Variants in ME3 observed in about 807,000 individuals in gnomAD.
ME3 encodes the protein NADP-dependent malic enzyme, mitochondrial.
A neutral mutation model predicts 68.9 loss-of-function variants in ME3; 48 were observed. The ratio of observed to expected loss-of-function variants is 0.70; its 90% CI spans 0.55 to 0.89. The LOEUF (loss-of-function observed/expected upper bound fraction) is 0.89, where lower values mean the gene tolerates loss of function less well. Among genes scored for constraint, ME3 ranks in the 40% least tolerant of loss-of-function variants. The probability of loss-of-function intolerance (pLI) is 0.00; values close to 1 mark genes in which losing one functional copy is unlikely to be tolerated. For synonymous variants in ME3, 320 were observed against 318.8 expected (o/e 1.00, Z -0.04); for missense variants, 675 against 797.4 (o/e 0.85, Z 1.85).
At chr11:86,578,625 G>C (rs1026665164) in intron 2 of ME3, among the ~76,000 whole-genome samples, 1 of 152,098 alleles carries the variant, frequency 6.6e-6, no homozygotes, top group African/African-American at 2.4e-5. Context: ...TCTCAACTCT[G>C]CCACCTTATC....
chr11:86,509,427 C>G (rs1221513384), intron 4 of ME3, among the ~76,000 whole-genome samples: 1 of 94,450 alleles, frequency 1.1e-5, no homozygotes, highest in South Asian at 3.3e-4. Flanking sequence ...CACACACACA[C>G]ACGCATGTGC....
At chr11:86,601,257 A>T (rs1318881494) in intron 2 of ME3, among the ~76,000 whole-genome samples, 1 of 152,212 alleles carries the variant, frequency 6.6e-6, no homozygotes, top group African/African-American at 2.4e-5. Flanking sequence ...GCAATAAAAA[A>T]TGATAAAGGG....
intron 4 of ME3, among the ~76,000 whole-genome samples, chr11:86,531,590 G>T (rs1302048691): frequency 6.6e-6 from 1 of 152,182 alleles, no homozygotes; most frequent in South Asian, 2.1e-4. Context: ...CAAAGACTTG[G>T]AACCAACCCA....
intron 2 of ME3, among the ~76,000 whole-genome samples, chr11:86,644,135 G>A (rs1263151670): frequency 6.6e-6 from 1 of 152,138 alleles, no homozygotes; most frequent in Non-Finnish European, 1.5e-5. Context: ...CTGGGTTCTG[G>A]TGAATCCCAA....
intron 2 of ME3, among the ~76,000 whole-genome samples, chr11:86,560,732 G>GTATATATATA (rs1957172506): frequency 1.7e-5 from 1 of 60,564 alleles, no homozygotes; most frequent in African/African-American, 5.1e-5. Context: ...GTGTATGTGT[G>GTATATATATA]TGTGTGTGTG....
chr11:86,667,328 G>A (rs1018387330), intron 2 of ME3, among the ~76,000 whole-genome samples: 5 of 152,294 alleles, frequency 3.3e-5, no homozygotes, highest in Middle Eastern at 6.8e-3. Context: ...CGGATCAAAG[G>A]GGGAAGATTG....
chr11:86,557,669 A>G (rs1957000695), intron 3 of ME3, among the ~76,000 whole-genome samples: 1 of 152,158 alleles, frequency 6.6e-6, no homozygotes, highest in Admixed American at 6.5e-5. Flanking sequence ...GTGGAAAACT[A>G]AAAACTGTGC....
intron 2 of ME3, among the ~76,000 whole-genome samples, chr11:86,665,527 A>C (rs1292103361): frequency 6.6e-6 from 1 of 152,206 alleles, no homozygotes; most frequent in African/African-American, 2.4e-5. Flanking sequence ...AAGAGTAGCA[A>C]GAGATGAAGT....
At chr11:86,560,744 GTGTGTATA>G (rs1185067560) in intron 2 of ME3, among the ~76,000 whole-genome samples, 8 of 66,874 alleles carry the variant, frequency 1.2e-4, no homozygotes, top group Non-Finnish European at 1.5e-4. Flanking sequence ...GTGTGTGTGT[GTGTGTATA>G]TATATATATA....
chr11:86,550,675 T>C (rs1031598063), intron 4 of ME3, among the ~76,000 whole-genome samples: 1 of 152,182 alleles, frequency 6.6e-6, no homozygotes, highest in Non-Finnish European at 1.5e-5. Context: ...TTGATGATGC[T>C]AGTCCTTGCT....
chr11:86,470,358 GT>G (rs1176774419), intron 7 of ME3, among the ~76,000 whole-genome samples: 3 of 152,056 alleles, frequency 2.0e-5, no homozygotes, highest in Admixed American at 2.0e-4. Flanking sequence ...GAGATTATCA[GT>G]TGTCACCCAA....
intron 2 of ME3, among the ~76,000 whole-genome samples, chr11:86,669,362 A>T (rs1160076906): frequency 6.6e-6 from 1 of 152,224 alleles, no homozygotes; most frequent in African/African-American, 2.4e-5. Flanking sequence ...CACCTGTATT[A>T]GTCTGGTTCT....
At chr11:86,507,113 A>G (rs1287419189) in intron 5 of ME3, among the ~76,000 whole-genome samples, 3 of 152,204 alleles carry the variant, frequency 2.0e-5, no homozygotes, top group African/African-American at 7.2e-5. Flanking sequence ...GTTTTTAAGT[A>G]ATATCATTCC....
At chr11:86,435,289 A>G in the ME3 span, 1 of 152,154 alleles carries the variant, frequency 6.6e-6, no homozygotes, top group African/African-American at 2.4e-5. Flanking sequence ...ATAGTAGGTC[A>G]TGGCAGCCTA....
chr11:86,448,077 G>C, intron 11 of ME3, 73 bp downstream of exon 11: 1 of 1,068,002 alleles, frequency 9.4e-7, no homozygotes, highest in Non-Finnish European at 1.4e-6. Flanking sequence ...CTTCCTAGCT[G>C]AGCCTCTGTC....
At chr11:86,501,254 G>A (rs1952705496) in intron 5 of ME3, among the ~76,000 whole-genome samples, 1 of 151,852 alleles carries the variant, frequency 6.6e-6, no homozygotes, top group African/African-American at 2.4e-5. Flanking sequence ...TTAACCTGGT[G>A]CCTTGTATAA....
chr11:86,627,558 C>T lies in ME3; in HGVS notation c.183+44204G>A, dbSNP rs182973298. Among the ~76,000 whole-genome samples, 5 of 152,312 alleles carry T rather than the reference C, an allele frequency of 3.3e-5. No homozygotes were observed. The East Asian group carries it at 7.7e-4, about 23-fold the overall frequency. ...GTGAATATAATTTTTCAATCAGACACACAATAAAATTACCAAGATTCTGAG... is the reference window on the plus strand; with the variant it reads ...GTGAATATAATTTTTCAATCAGACATACAATAAAATTACCAAGATTCTGAG... On this transcript the variant is annotated intron_variant, in intron 2 of 14. Coordinates refer to ENST00000543262, the Ensembl canonical transcript of ME3.
intron 4 of ME3, among the ~76,000 whole-genome samples, chr11:86,550,659 G>A (rs78723026): frequency 5.0e-4 from 76 of 152,268 alleles, no homozygotes; most frequent in African/African-American, 1.7e-3. Flanking sequence ...TGGGCAGAAG[G>A]CTGGTTTGAT....
At chr11:86,598,449 G>A (rs1186064970) in intron 2 of ME3, among the ~76,000 whole-genome samples, 2 of 152,244 alleles carry the variant, frequency 1.3e-5, no homozygotes, top group African/African-American at 4.8e-5. Flanking sequence ...CAGCCAGGAA[G>A]CTCAAACTGG....
Sources: gnomAD v4.1 joint callset for allele counts (sites outside exome capture counted in the v4.1 genomes callset) on GRCh38, gnomAD v4.1.1 for gene constraint, MANE v1.5 for transcripts, NCBI Gene and HGNC (gene_info 2026-07-23, HGNC 2026-07-21) for gene names.